The following TUBB2A variants were observed in gnomAD, a reference collection of about 807,000 sequenced individuals.
TUBB2A encodes the protein tubulin beta-2A chain.
In TUBB2A, 7 loss-of-function variants were observed where a neutral mutation model predicts 33.9. That is an observed-to-expected ratio of 0.21 (90% confidence interval 0.12 to 0.39). The LOEUF (loss-of-function observed/expected upper bound fraction) is 0.39. Ranked by LOEUF, TUBB2A falls within the 10% of genes least tolerant of loss-of-function variation. The pLI is 1.00. For synonymous variants in TUBB2A, 187 were observed against 247.6 expected (o/e 0.76, Z 2.30); for missense variants, 80 against 593.4 (o/e 0.13, Z 8.99).
rs933837370 is a variant in TUBB2A, at chr6:3,153,712, T to TA, written c.*150dup. ...TTAGTATAGATACCTTCACAGACAATACTGTAATTTTTAGAGGAGTTCCAC... is the reference window on the plus strand; with the variant it reads ...TTAGTATAGATACCTTCACAGACAATAACTGTAATTTTTAGAGGAGTTCCAC... On this transcript the variant is annotated 3_prime_UTR_variant, in exon 4 of 4. Transcript: ENST00000333628. The TA allele has an allele frequency of 7.3e-6, 9 of 1,233,264 alleles. No homozygotes were observed. The highest frequency in any genetic ancestry group is 1.0e-5 in the Non-Finnish European group (9 of 889,390). 76.4% of individuals were successfully genotyped at this position (1,233,264 alleles called of 1,614,324 possible). A position where few individuals can be genotyped will look rare whatever the true frequency, so the allele number is the denominator to read the frequency against.
chr6:3,157,163 CA>C (rs1282812536), intron 1 of TUBB2A, among the ~76,000 whole-genome samples: 1 of 152,280 alleles, frequency 6.6e-6, no homozygotes, highest in Non-Finnish European at 1.5e-5. Context: ...AGGGGAATGC[CA>C]ACCGCGTCCC....
chr6:3,157,361 G>T, intron 1 of TUBB2A, 46 bp downstream of exon 1: 2 of 1,438,024 alleles, frequency 1.4e-6, no homozygotes, highest in Non-Finnish European at 1.8e-6. Context: ...GCCCCAGCCC[G>T]CACCCTCGGT....
At position 3,155,677 on chromosome 6, in the gene TUBB2A, A is replaced by G. The variant is rs3209186; in HGVS notation, c.225T>C (p.Ser75=). Residue 75 remains serine (S), a synonymous_variant, in exon 3 of 4, where the codon TCT becomes TCC. Transcript: ENST00000333628. The surrounding 1 kb of genome is among the most constrained non-coding windows in gnomAD (Gnocchi z 4.2). ...LVDLEPGTMD[S]VRSGPFGQIF... ...TCTGGCCGAAGGGTCCAGACCTGAC[A>G]GAGTCCATGGTGCCAGGCTCCAGAT... 2 of 1,614,174 alleles carry G rather than the reference A, an allele frequency of 1.2e-6. No homozygotes were observed. The highest frequency in any genetic ancestry group is 8.5e-7 in the Non-Finnish European group (1 of 1,180,016).
Position 3,154,479 on chromosome 6 carries a change from C to G in TUBB2A, c.722G>C (p.Arg241Pro). 1 of 1,598,802 alleles carries G rather than the reference C, an allele frequency of 6.3e-7. No individual in the cohort carries two copies. Among genetic ancestry groups the G allele is most frequent in the Non-Finnish European group, 8.5e-7 (1 of 1,174,454 alleles). Residue 241 changes from arginine (R) to proline (P), a missense_variant, in exon 4 of 4, where the codon CGC (arginine) becomes CCC (proline). Arg to Pro is a moderately radical substitution (Grantham distance 103). This residue lies in a region of TUBB2A where 25 missense variants were observed against 350.5 expected (regional missense o/e 0.07). Transcript: ENST00000333628. ...ATMSGVTTCL[R>P]FPGQLNADLR... is the part of the protein sequence containing the mutation. ...GTCTGCGTTCAGCTGGCCCGGGAAGCGCAGGCAGGTGGTGACCCCGCTCAT... is the reference window on the plus strand; with the variant it reads ...GTCTGCGTTCAGCTGGCCCGGGAAGGGCAGGCAGGTGGTGACCCCGCTCAT...
chr6:3,154,616 G>A lies in TUBB2A; in HGVS notation c.585C>T (p.Asn195=). 1 of 1,614,182 alleles carries A rather than the reference G, an allele frequency of 6.2e-7. No individual in the cohort carries two copies. Among genetic ancestry groups the A allele is most frequent in the Non-Finnish European group, 8.5e-7 (1 of 1,180,014 alleles). ...TATCAATGGAGTAGGTTTCATCTGTGTTTTCCACCAGCTGGTGGACAGAGA... is the reference window on the plus strand; with the variant it reads ...TATCAATGGAGTAGGTTTCATCTGTATTTTCCACCAGCTGGTGGACAGAGA... ...ATLSVHQLVE[N]TDETYSIDNE... is the part of the protein sequence containing the mutation. The change falls in exon 4 of 4, where the codon AAC becomes AAT. Residue 195 remains asparagine, a synonymous_variant. Transcript: ENST00000333628.
intron 1 of TUBB2A, 91 bp downstream of exon 1, chr6:3,157,316 G>T: frequency 7.9e-7 from 1 of 1,266,252 alleles, no homozygotes; most frequent in South Asian, 2.6e-5. Flanking sequence ...CACCCGGCCA[G>T]CCCGGGGCCG....
intron 1 of TUBB2A, 47 bp downstream of exon 1, chr6:3,157,360 C>T: frequency 6.9e-7 from 1 of 1,438,868 alleles, no homozygotes; most frequent in Non-Finnish European, 9.1e-7. Flanking sequence ...GGCCCCAGCC[C>T]GCACCCTCGG....
rs1280955816 is a variant in TUBB2A at position 3,155,035 on chromosome 6, T to C, written c.278-112A>G. ...GGTCTTAGACTGGCAGATTCTTCTC[T>C]TTTGAATACTCTTCTTTTACCTGAA... On this transcript the variant is annotated intron_variant, in intron 3 of 3. Coordinates refer to ENST00000333628, the MANE Select transcript of TUBB2A (RefSeq NM_001069.3). The surrounding 1 kb of genome is among the most constrained non-coding windows in gnomAD (Gnocchi z 4.2). 2 of 1,540,664 alleles carry C rather than the reference T, an allele frequency of 1.3e-6. No homozygotes were observed. The highest frequency in any genetic ancestry group is 1.8e-6 in the Non-Finnish European group (2 of 1,139,746).
intron 1 of TUBB2A, among the ~76,000 whole-genome samples, chr6:3,156,431 G>GGTA (rs1762635256): frequency 1.3e-5 from 2 of 152,312 alleles, no homozygotes; most frequent in Non-Finnish European, 2.9e-5. Context: ...CTAGGGAGAG[G>GGTA]GTGGGGAGAG....
rs115917637 is a variant in TUBB2A at position 3,155,229 on chromosome 6, A to G, written c.278-306T>C. Among the ~76,000 whole-genome samples, 97 of 152,370 alleles carry G rather than the reference A, an allele frequency of 6.4e-4. No homozygotes were observed. The highest frequency in any genetic ancestry group is 1.1e-3 in the Non-Finnish European group (75 of 68,040). The stretch of plus-strand genomic sequence containing the variant: ...AGAGGCATTCTCTTTATACTCAACT[A>G]CAATTAAACAGGCAAGGTGAAGGCA... On this transcript the variant is annotated intron_variant, in intron 3 of 3. Coordinates refer to ENST00000333628, the MANE Select transcript of TUBB2A (RefSeq NM_001069.3). This position sits in a 1 kb window ranked among gnomAD's most constrained non-coding sequence, Gnocchi z 4.2.
chr6:3,157,488 G>A lies in TUBB2A; in HGVS notation c.-25C>T. ...TGGTGCCGGCTGCGGAGCGGGTGGC[G>A]CTGGCCCTCGGAGCGGTGCGCGGCG... is the stretch of plus-strand genomic sequence containing the variant. On this transcript the variant is annotated 5_prime_UTR_variant, in exon 1 of 4. Coordinates refer to ENST00000333628, the MANE Select transcript of TUBB2A (RefSeq NM_001069.3). 1.3e-6 allele frequency: 2 copies of A among 1,502,012 alleles called. No individual in the cohort carries two copies. Among genetic ancestry groups the A allele is most frequent in the East Asian group, 2.8e-5 (1 of 35,248 alleles). 93.0% of individuals were successfully genotyped at this position (1,502,012 alleles called of 1,614,324 possible). A position where few individuals can be genotyped will look rare whatever the true frequency, so the allele number is the denominator to read the frequency against.
chr6:3,155,770 T>G lies in TUBB2A; in HGVS notation c.167-35A>C. 4.5e-6 allele frequency: 7 copies of G among 1,550,374 alleles called. No individual in the cohort carries two copies. Among genetic ancestry groups the G allele is most frequent in the African/African-American group, 1.4e-5 (1 of 73,716 alleles). On this transcript the variant is annotated intron_variant, in intron 2 of 3. Transcript: ENST00000333628. The surrounding 1 kb of genome is among the most constrained non-coding windows in gnomAD (Gnocchi z 4.2). The stretch of plus-strand genomic sequence containing the variant: ...ATAAGAACTGACTCAGGCCTGTGCT[T>G]GGGGAGGGACTCACAGCAGCATTCA...
In TUBB2A at chr6:3,153,787, A is replaced by G. The variant is rs1762586080; in HGVS notation, c.*76T>C. The stretch of plus-strand genomic sequence containing the variant: ...TCTAACAGAGGCAAAACTGAGCACC[A>G]TAGTTTACAAGTAGAAAGACCATGC... On this transcript the variant is annotated 3_prime_UTR_variant, in exon 4 of 4. Transcript: ENST00000333628. 2 of 1,593,466 alleles carry G rather than the reference A, an allele frequency of 1.3e-6. No individual in the cohort carries two copies. The highest frequency in any genetic ancestry group is 1.7e-5 in the Admixed American group (1 of 59,068).
In TUBB2A at chr6:3,155,659, G is replaced by A. The variant is rs758995246; in HGVS notation, c.243C>T (p.Phe81=). 3.4e-5 allele frequency: 55 copies of A among 1,613,730 alleles called. 1 individual carries two copies. The South Asian group carries it at 4.3e-4, about 13-fold the overall frequency. Residue 81 remains phenylalanine, a synonymous_variant, in exon 3 of 4, where the codon TTC becomes TTT. Coordinates refer to ENST00000333628, the MANE Select transcript of TUBB2A (RefSeq NM_001069.3). The surrounding 1 kb of genome is among the most constrained non-coding windows in gnomAD (Gnocchi z 4.2). ...GTMDSVRSGP[F]GQIFRPDNFV... ...AGTTGTCTGGTCTGAAGATCTGGCC[G>A]AAGGGTCCAGACCTGACAGAGTCCA...
In TUBB2A at chr6:3,157,429, C is replaced by A; in HGVS notation, c.35G>T (p.Cys12Phe). 6.5e-7 allele frequency: 1 copy of A among 1,546,134 alleles called. No individual in the cohort carries two copies. ...REIVHIQAGQ[C>F]GNQIGAKFWE... Reference sequence around the variant, plus strand: ...CACCTTGGCGCCGATCTGGTTGCCGCACTGGCCCGCCTGGATGTGCACGAT... The same window carrying A: ...CACCTTGGCGCCGATCTGGTTGCCGAACTGGCCCGCCTGGATGTGCACGAT... The change falls in exon 1 of 4, where the codon TGC (cysteine) becomes TTC (phenylalanine). Residue 12 changes from cysteine (C) to phenylalanine (F), a missense_variant. Cys to Phe is a radical substitution (Grantham distance 205). Coordinates refer to ENST00000333628, the MANE Select transcript of TUBB2A (RefSeq NM_001069.3).
rs920013090 is a variant in TUBB2A, at chr6:3,155,145, G to A, written c.278-222C>T. ...TAAGTTTAGCTCATCTGAGGCTATT[G>A]ATTGAGGAAGAGGATAGGGTTAGAA... On this transcript the variant is annotated intron_variant, in intron 3 of 3. Transcript: ENST00000333628. The surrounding 1 kb of genome is among the most constrained non-coding windows in gnomAD (Gnocchi z 4.2). The A allele has an allele frequency of 1.6e-6, 2 of 1,262,712 alleles. No homozygotes were observed. The highest frequency in any genetic ancestry group is 3.0e-5 in the African/African-American group (2 of 66,088). The allele number at this position is 1,262,712 out of a possible 1,614,324, so 78.2% of individuals were successfully genotyped here. A position where few individuals can be genotyped will look rare whatever the true frequency, so the allele number is the denominator to read the frequency against.
rs975362341 is a variant in TUBB2A at position 3,153,689 on chromosome 6, A to G, written c.*174T>C. 7.9e-6 allele frequency: 8 copies of G among 1,015,834 alleles called. No individual in the cohort carries two copies. In the Admixed American group the frequency reaches 2.0e-4, roughly 26 times the overall value. 62.9% of individuals were successfully genotyped at this position (1,015,834 alleles called of 1,614,324 possible). On this transcript the variant is annotated 3_prime_UTR_variant, in exon 4 of 4. Transcript: ENST00000333628. Reference sequence around the variant, plus strand: ...GGTTTTCTACACATGCTTTTTTATTAGTATAGATACCTTCACAGACAATAC... The same window carrying G: ...GGTTTTCTACACATGCTTTTTTATTGGTATAGATACCTTCACAGACAATAC...
intron 3 of TUBB2A, 54 bp from the exon 4 acceptor site, chr6:3,154,977 T>A: frequency 6.2e-7 from 1 of 1,610,110 alleles, no homozygotes; most frequent in Non-Finnish European, 8.5e-7. Context: ...TTTCAAAATC[T>A]GTCATTTTGA....
At chr6:3,156,698 C>T (rs188267065) in intron 1 of TUBB2A, among the ~76,000 whole-genome samples, 188 of 152,388 alleles carry the variant, frequency 1.2e-3, no homozygotes, top group African/African-American at 4.4e-3. Context: ...GGGAGGGCAC[C>T]TGGGCGGCAG....
Sources: allele counts gnomAD v4.1 joint callset (sites outside exome capture counted in the v4.1 genomes callset), GRCh38; gene constraint gnomAD v4.1.1; regional missense constraint gnomAD v4.1.1; non-coding constraint Gnocchi (gnomAD v3.1); transcripts MANE v1.5; gene names NCBI Gene and HGNC (gene_info 2026-07-23, HGNC 2026-07-21).